JAKMIP3: variants seen among roughly 807,000 people sequenced by gnomAD.
JAKMIP3 encodes Janus kinase and microtubule interacting protein 3, also known as janus kinase and microtubule-interacting protein 3.
Under a neutral mutation model 118.5 loss-of-function variants are expected in JAKMIP3, and 58 were observed. That is an observed-to-expected ratio of 0.49 (90% confidence interval 0.40 to 0.61). The LOEUF (loss-of-function observed/expected upper bound fraction) is 0.61. Ranked by LOEUF, JAKMIP3 falls within the 20% of genes least tolerant of loss-of-function variation. JAKMIP3 has a pLI of 0.00. For missense variants in JAKMIP3, 950 were observed against 1,109.0 expected, an observed-to-expected ratio of 0.86 and a Z score of 2.04; for synonymous variants, 486 against 451.2, an observed-to-expected ratio of 1.08 and a Z score of -0.98.
At chr10:132,123,954 T>C (rs979026453) in intron 3 of JAKMIP3, among the ~76,000 whole-genome samples, 10 of 152,306 alleles carry the variant, frequency 6.6e-5, no homozygotes, top group Admixed American at 2.0e-4. Flanking sequence ...GGGGACGAGT[T>C]TGGGAATATT....
intron 19 of JAKMIP3, among the ~76,000 whole-genome samples, chr10:132,160,078 TGGGGGGGTCTCTTCCTGTGTG>T (rs2057896412): frequency 5.8e-4 from 1 of 1,726 alleles, no homozygotes; most frequent in African/African-American, 7.1e-3. Flanking sequence ...TGTGTGATGC[TGGGGGGGTCTCTTCCTGTGTG>T]ATGCAGGCGG....
At chr10:132,075,818 C>G (rs943608646) in intron 1 of JAKMIP3, among the ~76,000 whole-genome samples, 2 of 152,106 alleles carry the variant, frequency 1.3e-5, no homozygotes, top group African/African-American at 4.8e-5. Context: ...TTATATACCC[C>G]CATTTTTTGC....
rs879251913 is a variant in JAKMIP3, at chr10:132,182,963, C to T, written c.*1710C>T. 7 of 152,162 alleles carry T rather than the reference C, an allele frequency of 4.6e-5. 1 individual carries two copies. The highest frequency in any genetic ancestry group is 4.6e-4 in the Admixed American group (7 of 15,280). The allele number at this position is 152,162 out of a possible 1,614,324, so 9.4% of individuals were successfully genotyped here. ...AGAAAGACCCATCCATTTCTGTTGT[C>T]ATTCAAGCCACAGTTCCTGATTTAC... is the stretch of plus-strand genomic sequence containing the variant. On this transcript the variant is annotated 3_prime_UTR_variant, in exon 24 of 24. Coordinates refer to ENST00000684848, the MANE Select transcript of JAKMIP3 (RefSeq NM_001323087.2).
At chr10:132,100,035 A>C (rs1300355936) in intron 1 of JAKMIP3, among the ~76,000 whole-genome samples, 1 of 152,186 alleles carries the variant, frequency 6.6e-6, no homozygotes, top group Non-Finnish European at 1.5e-5. Context: ...ACAGTGCTGT[A>C]GGGGGTGTCT....
At chr10:132,069,780 G>A (rs1032011410) in intron 1 of JAKMIP3, among the ~76,000 whole-genome samples, 2 of 152,238 alleles carry the variant, frequency 1.3e-5, no homozygotes, top group African/African-American at 4.8e-5. Flanking sequence ...AGCAAAGTGT[G>A]AAAGTGAGGT....
Position 132,089,414 on chromosome 10 carries a change from G to A in JAKMIP3, c.-137-15258G>A, listed in dbSNP as rs1260935717. On this transcript the variant is annotated intron_variant, in intron 1 of 23. Transcript: ENST00000684848. ...AGTGGTTTGTAGTTCTCCTTGAAGA[G>A]GTCCTTCACATCCCTTGTAAGTTGG... 7.2e-5 allele frequency among the ~76,000 whole-genome samples: 11 copies of A among 152,286 alleles called. 1 individual carries two copies. Among genetic ancestry groups the A allele is most frequent in the Non-Finnish European group, 1.0e-4 (7 of 68,034 alleles).
intron 1 of JAKMIP3, among the ~76,000 whole-genome samples, chr10:132,079,336 TG>T (rs1049826842): frequency 3.3e-5 from 5 of 152,342 alleles, no homozygotes; most frequent in African/African-American, 9.6e-5. Flanking sequence ...TTCCAGGCTC[TG>T]GCCCCACTGC....
In JAKMIP3 at chr10:132,104,932, G is replaced by A; in HGVS notation, c.124G>A (p.Glu42Lys). 2 of 1,591,804 alleles carry A rather than the reference G, an allele frequency of 1.3e-6. No individual in the cohort carries two copies. Among genetic ancestry groups the A allele is most frequent in the Non-Finnish European group, 1.7e-6 (2 of 1,169,308 alleles). Residue 42 changes from glutamate (E) to lysine (K), a missense_variant, in exon 2 of 24, where the codon GAG becomes AAG. Physicochemically the swap from Glu to Lys is moderately conservative, Grantham distance 56 (BLOSUM62 1). Coordinates refer to ENST00000684848, the MANE Select transcript of JAKMIP3 (RefSeq NM_001323087.2). ...AGACATCCAGATCGAGCTGCAGCAG[G>A]AGAAGAGCAAGGTGGGCGCTCCCCA... ...LTDIQIELQQ[E>K]KSKVSKVERE...
chr10:132,088,977 C>T (rs1326958017), intron 1 of JAKMIP3, among the ~76,000 whole-genome samples: 10 of 152,112 alleles, frequency 6.6e-5, no homozygotes, highest in Non-Finnish European at 1.5e-4. Context: ...CCTTTCCCCA[C>T]TGCTTGTTTT....
At chr10:132,046,277 AC>A (rs1331321147) in intron 1 of JAKMIP3, among the ~76,000 whole-genome samples, 8 of 151,672 alleles carry the variant, frequency 5.3e-5, no homozygotes, top group Non-Finnish European at 1.0e-4. Context: ...ACACAGTGAA[AC>A]CCCCGTCTCT....
chr10:132,159,740 T>C (rs1230837589), intron 19 of JAKMIP3, among the ~76,000 whole-genome samples: 6 of 70,716 alleles, frequency 8.5e-5, no homozygotes, highest in African/African-American at 1.8e-4. Context: ...TCCTGTGTGA[T>C]ACTGGGGGGG....
Position 132,109,073 on chromosome 10 carries a change from T to TACACACACATATATATACAC in JAKMIP3, c.135+4135_135+4136insCACATATATATACACACACA, listed in dbSNP as rs137985077. ...ACACATACATGCACATATACACACA[T>TACACACACATATATATACAC]ACACATATATATACACACACATATA... On this transcript the variant is annotated intron_variant, in intron 2 of 23. Coordinates refer to ENST00000684848, the MANE Select transcript of JAKMIP3 (RefSeq NM_001323087.2). Among the ~76,000 whole-genome samples the TACACACACATATATATACAC allele has an allele frequency of 4.3e-5, 6 of 140,952 alleles. 1 individual carries two copies. Among genetic ancestry groups the TACACACACATATATATACAC allele is most frequent in the African/African-American group, 8.0e-5 (3 of 37,520 alleles). 92.5% of individuals were successfully genotyped at this position (140,952 alleles called of 152,430 possible). A position where few individuals can be genotyped will look rare whatever the true frequency, so the allele number is the denominator to read the frequency against.
chr10:132,107,949 G>C (rs1264897820), intron 2 of JAKMIP3, among the ~76,000 whole-genome samples: 1 of 152,236 alleles, frequency 6.6e-6, no homozygotes, highest in African/African-American at 2.4e-5. Context: ...ATGGAGAACA[G>C]AGAGGGCCCT....
chr10:132,098,018 T>C, intron 1 of JAKMIP3, among the ~76,000 whole-genome samples: 1 of 137,784 alleles, frequency 7.3e-6, no homozygotes, highest in South Asian at 2.8e-4. Flanking sequence ...TTCCTTTTTT[T>C]TTTCTTTCTT....
At chr10:132,166,385 C>T (rs1371244702) in intron 21 of JAKMIP3, among the ~76,000 whole-genome samples, 1 of 152,096 alleles carries the variant, frequency 6.6e-6, no homozygotes, top group Non-Finnish European at 1.5e-5. Flanking sequence ...TCTTCATTCC[C>T]AAGCGATGCC....
intron 19 of JAKMIP3, among the ~76,000 whole-genome samples, chr10:132,162,189 T>G (rs2058424860): frequency 6.6e-6 from 1 of 152,188 alleles, no homozygotes; most frequent in East Asian, 1.9e-4. Context: ...GTGGTGGCTC[T>G]TTATGGCAGG....
chr10:132,145,452 C>A, intron 12 of JAKMIP3, 66 bp from the exon 13 acceptor site: 1 of 1,411,898 alleles, frequency 7.1e-7, no homozygotes, highest in Non-Finnish European at 9.8e-7. Context: ...TGCCACATCA[C>A]GATTTAAACG....
At chr10:132,151,781 C>T (rs758446705) in intron 16 of JAKMIP3, among the ~76,000 whole-genome samples, 1 of 152,028 alleles carries the variant, frequency 6.6e-6, no homozygotes, top group Non-Finnish European at 1.5e-5. Flanking sequence ...CTGCAGTCAT[C>T]ATGCAGCCTC....
At chr10:132,154,658 G>T (rs903175254) in intron 19 of JAKMIP3, among the ~76,000 whole-genome samples, 2 of 152,148 alleles carry the variant, frequency 1.3e-5, no homozygotes, top group African/African-American at 4.8e-5. Flanking sequence ...GCAGGGTCTT[G>T]ACCCTCATGC....
Sources: allele counts gnomAD v4.1 joint callset (sites outside exome capture counted in the v4.1 genomes callset), GRCh38; gene constraint gnomAD v4.1.1; transcripts MANE v1.5; gene names NCBI Gene and HGNC (gene_info 2026-07-23, HGNC 2026-07-21).